Variants in CNTN1 observed in about 807,000 individuals in gnomAD.
CNTN1 encodes the protein contactin-1.
In CNTN1, 38 loss-of-function variants were observed where a neutral mutation model predicts 126.4. That is an observed-to-expected ratio of 0.30 (90% CI 0.23 to 0.39). The LOEUF is 0.39. Among genes scored for constraint, CNTN1 ranks in the 10% least tolerant of loss-of-function variants. CNTN1 has a pLI of 1.00. For synonymous variants in CNTN1, 413 were observed against 422.6 expected (o/e 0.98, Z 0.28); for missense variants, 1,009 against 1,248.4 (o/e 0.81, Z 2.89).
chr12:40,936,764 T>C lies in CNTN1; in HGVS notation c.986-17T>C. ...TGAGCCCTTCATTTAACATTTACAATGTTCCTTACTTTTTAGCATTCCCTG... is the reference window on the plus strand; with the variant it reads ...TGAGCCCTTCATTTAACATTTACAACGTTCCTTACTTTTTAGCATTCCCTG... On this transcript the variant is annotated splice_polypyrimidine_tract_variant and intron_variant, in intron 9 of 23. Transcript: ENST00000551295. 3 of 1,612,474 alleles carry C rather than the reference T, an allele frequency of 1.9e-6. No individual in the cohort carries two copies. The highest frequency in any genetic ancestry group is 1.7e-6 in the Non-Finnish European group (2 of 1,178,836).
intron 19 of CNTN1, among the ~76,000 whole-genome samples, chr12:41,019,758 T>TA (rs1948865008): frequency 6.6e-6 from 1 of 152,184 alleles, no homozygotes; most frequent in African/African-American, 2.4e-5. Context: ...CAAAGGCTCT[T>TA]AAAAATTTTT....
intron 1 of CNTN1, among the ~76,000 whole-genome samples, chr12:40,870,810 C>G (rs567284490): frequency 2.0e-5 from 3 of 152,070 alleles, no homozygotes; most frequent in Non-Finnish European, 4.4e-5. Flanking sequence ...AGCTTATTAT[C>G]GTTGAGCTTG....
intron 1 of CNTN1, among the ~76,000 whole-genome samples, chr12:40,790,842 AAT>A (rs1472061660): frequency 6.6e-6 from 1 of 152,072 alleles, no homozygotes; most frequent in Non-Finnish European, 1.5e-5. Flanking sequence ...CCCCAAAACT[AAT>A]TCTACCTAAT....
intron 1 of CNTN1, among the ~76,000 whole-genome samples, chr12:40,770,756 C>G (rs768372683): frequency 6.6e-6 from 1 of 152,010 alleles, no homozygotes; most frequent in Non-Finnish European, 1.5e-5. Flanking sequence ...AGGGGATGAT[C>G]AGAGATTGTG....
chr12:40,833,418 A>G (rs1164501470), intron 1 of CNTN1, among the ~76,000 whole-genome samples: 1 of 152,172 alleles, frequency 6.6e-6, no homozygotes, highest in African/African-American at 2.4e-5. Context: ...TTTCAATGAC[A>G]GTTGTCTCCA....
chr12:40,701,294 T>A (rs183444214), intron 1 of CNTN1, among the ~76,000 whole-genome samples: 23 of 152,356 alleles, frequency 1.5e-4, no homozygotes, highest in Admixed American at 1.4e-3. Flanking sequence ...ACCATTACAA[T>A]GTGTCATTTA....
chr12:40,910,517 C>T (rs546925046), intron 3 of CNTN1, among the ~76,000 whole-genome samples: 19 of 152,264 alleles, frequency 1.2e-4, no homozygotes, highest in African/African-American at 4.1e-4. Context: ...TAAAAGTCCA[C>T]AGGTATTGCA....
chr12:40,752,785 C>T (rs1454100417), intron 1 of CNTN1, among the ~76,000 whole-genome samples: 1 of 151,996 alleles, frequency 6.6e-6, no homozygotes, highest in East Asian at 1.9e-4. Flanking sequence ...TTTAGATACC[C>T]TTGATTTATA....
Position 41,002,554 on chromosome 12 carries a change from C to CTTTTTTTT in CNTN1, c.2113+9288_2113+9289insTTTTTTTT, listed in dbSNP as rs200237008. On this transcript the variant is annotated intron_variant, in intron 17 of 23. Transcript: ENST00000551295. The stretch of plus-strand genomic sequence containing the variant: ...CTTTTGGGCTGAGACTATAGGGTTT[C>CTTTTTTTT]TTTCTTTTTTTTTTTTTTTTTGAGA... Among the ~76,000 whole-genome samples the CTTTTTTTT allele has an allele frequency of 4.6e-5, 6 of 131,502 alleles. 1 individual carries two copies. The highest frequency in any genetic ancestry group is 6.2e-5 in the African/African-American group (2 of 32,426). The allele number at this position is 131,502 out of a possible 152,430, so 86.3% of individuals were successfully genotyped here. A position where few individuals can be genotyped will look rare whatever the true frequency, so the allele number is the denominator to read the frequency against.
chr12:40,976,823 C>T (rs71449793), intron 15 of CNTN1, among the ~76,000 whole-genome samples: 5,077 of 152,220 alleles, frequency 0.033, 110 homozygotes, highest in Middle Eastern at 0.11. Flanking sequence ...ACGTTTGTCT[C>T]CGTGCTCTAT....
At chr12:40,809,755 G>A (rs1382844495) in intron 1 of CNTN1, among the ~76,000 whole-genome samples, 2 of 151,784 alleles carry the variant, frequency 1.3e-5, no homozygotes, top group East Asian at 3.9e-4. Context: ...GGCAGAGGTT[G>A]CAGTGAGCCG....
At chr12:41,011,674 G>GA (rs1298351414) in intron 17 of CNTN1, among the ~76,000 whole-genome samples, 1 of 152,190 alleles carries the variant, frequency 6.6e-6, no homozygotes, top group Non-Finnish European at 1.5e-5. Context: ...GGGGCTCTCT[G>GA]AAAAATGGAT....
At chr12:40,825,017 G>A (rs1941565525) in intron 1 of CNTN1, among the ~76,000 whole-genome samples, 1 of 152,162 alleles carries the variant, frequency 6.6e-6, no homozygotes, top group Admixed American at 6.6e-5. Context: ...GTGGTGGCCT[G>A]TTTTCCTTAT....
intron 11 of CNTN1, among the ~76,000 whole-genome samples, chr12:40,938,962 G>C (rs1039703901): frequency 6.6e-6 from 1 of 152,032 alleles, no homozygotes; most frequent in African/African-American, 2.4e-5. Flanking sequence ...TTTAGGTAGA[G>C]ATGGAGTTTT....
At chr12:41,032,545 C>G (rs778500208) in intron 23 of CNTN1, among the ~76,000 whole-genome samples, 1 of 152,148 alleles carries the variant, frequency 6.6e-6, no homozygotes, top group Non-Finnish European at 1.5e-5. Flanking sequence ...AGTGTTATCC[C>G]TGCCTTGAGG....
chr12:40,711,013 T>C (rs1206827475), intron 1 of CNTN1, among the ~76,000 whole-genome samples: 1 of 152,166 alleles, frequency 6.6e-6, no homozygotes, highest in Non-Finnish European at 1.5e-5. Flanking sequence ...AAAATATCAC[T>C]CTGAGGTGTA....
intron 1 of CNTN1, among the ~76,000 whole-genome samples, chr12:40,794,209 T>C (rs1457614230): frequency 6.6e-6 from 1 of 152,112 alleles, no homozygotes; most frequent in East Asian, 1.9e-4. Flanking sequence ...GACAGCAACA[T>C]TATTTTTGTA....
chr12:40,860,050 C>T (rs1017904825), intron 1 of CNTN1, among the ~76,000 whole-genome samples: 1 of 152,108 alleles, frequency 6.6e-6, no homozygotes, highest in Non-Finnish European at 1.5e-5. Flanking sequence ...TCACCTGTTA[C>T]AAACCCTATA....
At chr12:40,728,699 C>T (rs568240189) in intron 1 of CNTN1, 1 of 152,118 alleles carries the variant, frequency 6.6e-6, no homozygotes, top group Non-Finnish European at 1.5e-5. Context: ...GTCACTTTTA[C>T]AATTTTATCA....
Sources: gnomAD v4.1 joint callset for allele counts (sites outside exome capture counted in the v4.1 genomes callset) on GRCh38, gnomAD v4.1.1 for gene constraint, MANE v1.5 for transcripts, NCBI Gene and HGNC (gene_info 2026-07-23, HGNC 2026-07-21) for gene names.